KAT14: variants seen among roughly 807,000 people sequenced by gnomAD.
KAT14 encodes the protein lysine acetyltransferase 14, also known as cysteine-rich protein 2-binding protein.
Under a neutral mutation model 78.4 loss-of-function variants are expected in KAT14, and 66 were observed. The ratio of observed to expected loss-of-function variants is 0.84; its 90% CI spans 0.69 to 1.03. The LOEUF is 1.03. KAT14 is among the 50% of genes least tolerant of loss of function. The pLI is 0.00. For synonymous variants in KAT14, 344 were observed against 359.4 expected, an observed-to-expected ratio of 0.96 and a Z score of 0.48; for missense variants, 870 against 972.5, an observed-to-expected ratio of 0.89 and a Z score of 1.40.
intron 1 of KAT14, among the ~76,000 whole-genome samples, chr20:18,140,296 G>T (rs2037481885): frequency 6.6e-6 from 1 of 152,032 alleles, no homozygotes; most frequent in Admixed American, 6.6e-5. Flanking sequence ...TGCCAAGGGT[G>T]CATGGTTCAA....
chr20:18,176,358 T>C (rs532904155), intron 7 of KAT14, among the ~76,000 whole-genome samples: 175 of 149,916 alleles, frequency 1.2e-3, no homozygotes, highest in African/African-American at 4.2e-3. Context: ...TGCTGTGAAC[T>C]AAGACAGAGT....
intron 7 of KAT14, among the ~76,000 whole-genome samples, chr20:18,180,763 A>G (rs967034414): frequency 3.3e-5 from 5 of 150,408 alleles, no homozygotes; most frequent in African/African-American, 9.8e-5. Context: ...ATTAAAAAAA[A>G]CAAAACATCG....
At chr20:18,184,917 GTGAA>G in intron 10 of KAT14, 125 bp downstream of exon 10, 2 of 1,031,872 alleles carry the variant, frequency 1.9e-6, no homozygotes, top group Non-Finnish European at 2.6e-6. Context: ...TGTAAACCAA[GTGAA>G]GAAAGCCAGT....
intron 7 of KAT14, 122 bp from the exon 8 acceptor site, chr20:18,181,588 C>G: frequency 4.9e-6 from 7 of 1,428,268 alleles, no homozygotes; most frequent in African/African-American, 1.4e-5. Flanking sequence ...CCAGGATGAT[C>G]TCGATCTTGT....
chr20:18,151,029 T>TAAATAAATAAA, intron 4 of KAT14, 87 bp downstream of exon 4: 1 of 1,511,042 alleles, frequency 6.6e-7, no homozygotes, highest in Non-Finnish European at 9.0e-7. Flanking sequence ...TGTAGACTTG[T>TAAATAAATAAA]TAGAGATTTA....
chr20:18,153,350 AT>A (rs1568665603), intron 4 of KAT14, among the ~76,000 whole-genome samples: 2 of 152,212 alleles, frequency 1.3e-5, no homozygotes, highest in Non-Finnish European at 2.9e-5. Context: ...AATCGACACT[AT>A]AACTGGTTCT....
At chr20:18,152,620 G>A (rs1404431768) in intron 4 of KAT14, among the ~76,000 whole-genome samples, 1 of 152,138 alleles carries the variant, frequency 6.6e-6, no homozygotes, top group Non-Finnish European at 1.5e-5. Context: ...AAACAGAGCA[G>A]TGCCTTCTAG....
chr20:18,164,671 T>C (rs1008136009), intron 7 of KAT14, among the ~76,000 whole-genome samples: 3 of 150,712 alleles, frequency 2.0e-5, no homozygotes, highest in Non-Finnish European at 4.4e-5. Context: ...GGTTGGAATG[T>C]AGTGGCACAA....
chr20:18,152,422 C>G (rs948932391), intron 4 of KAT14, among the ~76,000 whole-genome samples: 1 of 152,128 alleles, frequency 6.6e-6, no homozygotes, highest in African/African-American at 2.4e-5. Flanking sequence ...ACTAAAAATA[C>G]AGAAATTAGC....
intron 7 of KAT14, among the ~76,000 whole-genome samples, chr20:18,174,414 C>T (rs149702650): frequency 2.4e-4 from 37 of 152,074 alleles, no homozygotes; most frequent in African/African-American, 8.2e-4. Context: ...GTGGCTGTGC[C>T]GTTTTACATT....
Position 18,142,747 on chromosome 20 carries a change from A to C in KAT14, c.87A>C (p.Glu29Asp). Residue 29 changes from glutamate (E) to aspartate (D), a missense_variant, in exon 2 of 11, where the codon GAA becomes GAC. Physicochemically the swap from Glu to Asp is conservative, Grantham distance 45 (BLOSUM62 2). Transcript: ENST00000688188. Reference sequence around the variant, plus strand: ...CATCGACCTCAGAAGGACTGGAGGAAGGTGAAGTGGAGGGAGAGACGCTCC... The same window carrying C: ...CATCGACCTCAGAAGGACTGGAGGACGGTGAAGTGGAGGGAGAGACGCTCC... ...TRTSTSEGLE[E>D]GEVEGETLLI... 1 of 1,614,216 alleles carries C rather than the reference A, an allele frequency of 6.2e-7. No individual in the cohort carries two copies. The highest frequency in any genetic ancestry group is 8.5e-7 in the Non-Finnish European group (1 of 1,180,034).
chr20:18,141,727 T>TA (rs2146333490), intron 1 of KAT14, among the ~76,000 whole-genome samples: 1 of 152,112 alleles, frequency 6.6e-6, no homozygotes, highest in Non-Finnish European at 1.5e-5. Flanking sequence ...CTACTAAAAA[T>TA]ACAAAAATTA....
In KAT14 at chr20:18,154,308, TTTAC is replaced by T. The variant is rs1158102759; in HGVS notation, c.500+3378_500+3381del. On this transcript the variant is annotated intron_variant, in intron 4 of 10. Transcript: ENST00000688188. ...CTATCCATAGGACGTACTTTATTTATTTACTTACTTACTTATTTTTTTGAGACGG... is the reference window on the plus strand; with the variant it reads ...CTATCCATAGGACGTACTTTATTTATTTACTTACTTATTTTTTTGAGACGG... Among the ~76,000 whole-genome samples, 22 of 152,336 alleles carry T rather than the reference TTTAC, an allele frequency of 1.4e-4. No homozygotes were observed. The East Asian group carries it at 2.1e-3, about 15-fold the overall frequency.
intron 7 of KAT14, among the ~76,000 whole-genome samples, chr20:18,179,933 A>G (rs1340127669): frequency 6.6e-6 from 1 of 151,856 alleles, no homozygotes; most frequent in African/African-American, 2.4e-5. Flanking sequence ...CAGTGGTGCG[A>G]TCTTGGCTCA....
At chr20:18,141,552 G>A (rs566129522) in intron 1 of KAT14, among the ~76,000 whole-genome samples, 2 of 152,236 alleles carry the variant, frequency 1.3e-5, no homozygotes, top group African/African-American at 4.8e-5. Context: ...GTAGTAACTC[G>A]CCAAGTTTTT....
chr20:18,159,209 C>T lies in KAT14; in HGVS notation c.626C>T (p.Pro209Leu). ...TGGTGGAAACTTGTTCATAACAAGC[C>T]CCCAACGATGAAACCTGAAGGAGAG... is the stretch of plus-strand genomic sequence containing the variant. ...PGWWKLVHNK[P>L]PTMKPEGEKL... The change falls in exon 5 of 11, where the codon CCC (proline) becomes CTC (leucine). Residue 209 changes from proline (P) to leucine (L), a missense_variant. Physicochemically the swap from Pro to Leu is moderately conservative, Grantham distance 98 (BLOSUM62 -3). Coordinates refer to ENST00000688188, the MANE Select transcript of KAT14 (RefSeq NM_001392073.1). 1 of 1,613,972 alleles carries T rather than the reference C, an allele frequency of 6.2e-7. No homozygotes were observed. The highest frequency in any genetic ancestry group is 8.5e-7 in the Non-Finnish European group (1 of 1,179,972).
At chr20:18,175,065 A>T (rs997069507) in intron 7 of KAT14, among the ~76,000 whole-genome samples, 1 of 151,926 alleles carries the variant, frequency 6.6e-6, no homozygotes, top group African/African-American at 2.4e-5. Context: ...GTTTACACCT[A>T]GGGAAGAGAG....
At chr20:18,150,760 C>G in intron 3 of KAT14, 61 bp from the exon 4 acceptor site, 3 of 1,604,490 alleles carry the variant, frequency 1.9e-6, no homozygotes, top group South Asian at 1.1e-5. Flanking sequence ...GCTTTTCCCC[C>G]CTCAAGATTA....
chr20:18,162,111 G>C lies in KAT14; in HGVS notation c.971G>C (p.Ser324Thr). The change falls in exon 6 of 11, where the codon AGC becomes ACC. Residue 324 changes from serine (S) to threonine (T), a missense_variant. Coordinates refer to ENST00000688188, the MANE Select transcript of KAT14 (RefSeq NM_001392073.1). ...TCCTCTGACCGCACCCCGCTGACAA[G>C]CCCATCTCCTTCTCCTTCTCTGGAT... ...LSSSDRTPLT[S>T]PSPSPSLDFS... is the part of the protein sequence containing the mutation. The C allele has an allele frequency of 6.2e-7, 1 of 1,614,210 alleles. No homozygotes were observed. The highest frequency in any genetic ancestry group is 2.2e-5 in the East Asian group (1 of 44,884).
Sources: allele counts gnomAD v4.1 joint callset (sites outside exome capture counted in the v4.1 genomes callset), GRCh38; gene constraint gnomAD v4.1.1; transcripts MANE v1.5; gene names NCBI Gene and HGNC (gene_info 2026-07-23, HGNC 2026-07-21).